The following WIPF1 variants were observed in gnomAD, a reference collection of about 807,000 sequenced individuals.
WIPF1 encodes the protein WAS/WASL interacting protein family member 1, also known as WAS/WASL-interacting protein family member 1.
WIPF1 carries 13 observed loss-of-function variants against 35.4 expected under a neutral mutation model. The ratio of observed to expected loss-of-function variants is 0.37; its 90% CI spans 0.24 to 0.58. The LOEUF is 0.58. Among genes scored for constraint, WIPF1 ranks in the 20% least tolerant of loss-of-function variants. The pLI, the probability that WIPF1 is intolerant of heterozygous loss-of-function variation, is 0.74. For synonymous variants in WIPF1, 267 were observed against 266.3 expected (o/e 1.00, Z -0.02); for missense variants, 591 against 667.0 (o/e 0.89, Z 1.25).
rs779795011 is a variant in WIPF1, at chr2:174,571,720, C to T, written c.1085G>A (p.Ser362Asn). 7 of 1,614,090 alleles carry T rather than the reference C, an allele frequency of 4.3e-6. No homozygotes were observed. Among genetic ancestry groups the T allele is most frequent in the Non-Finnish European group, 5.1e-6 (6 of 1,180,024 alleles). ...GRSGPLPPPP[S>N]ERPPPPVRDP... is the part of the protein sequence containing the mutation. ...CCTCACTGGAGGTGGGGGTCTCTCA[C>T]TGGGCGGGGGAGGAAGAGGACCTGA... The change falls in exon 5 of 8, where the codon AGT (serine) becomes AAT (asparagine). Residue 362 changes from serine (S) to asparagine (N), a missense_variant. By Grantham distance (46) the Ser-to-Asn change is conservative. Transcript: ENST00000679041. The surrounding 1 kb of genome is among the most constrained non-coding windows in gnomAD (Gnocchi z 4.6).
At chr2:174,632,041 C>T (rs1033622734) in intron 1 of WIPF1, among the ~76,000 whole-genome samples, 5 of 152,188 alleles carry the variant, frequency 3.3e-5, no homozygotes, top group African/African-American at 9.7e-5. Context: ...TTCCTCCCCA[C>T]AAAATTTACC....
intron 1 of WIPF1, among the ~76,000 whole-genome samples, chr2:174,606,964 T>A (rs1686184639): frequency 6.6e-6 from 1 of 152,178 alleles, no homozygotes; most frequent in Non-Finnish European, 1.5e-5. Flanking sequence ...GAGGGCCTTC[T>A]TGCCGTGTCA....
At chr2:174,670,103 A>C (rs1410043736) in intron 1 of WIPF1, among the ~76,000 whole-genome samples, 2 of 152,056 alleles carry the variant, frequency 1.3e-5, no homozygotes, top group Admixed American at 1.3e-4. Flanking sequence ...AGCTTAGTCC[A>C]GCTCACTGAG....
intron 1 of WIPF1, among the ~76,000 whole-genome samples, chr2:174,643,779 T>C (rs1192872701): frequency 6.6e-6 from 1 of 152,228 alleles, no homozygotes; most frequent in Non-Finnish European, 1.5e-5. Context: ...AGGTTCATTA[T>C]TGTTAAATCC....
intron 1 of WIPF1, among the ~76,000 whole-genome samples, chr2:174,595,388 AC>A (rs1483717233): frequency 7.3e-5 from 11 of 151,710 alleles, no homozygotes; most frequent in African/African-American, 2.7e-4. Flanking sequence ...AAAAGCTCTT[AC>A]AATTCAGATA....
rs35062209 is a variant in WIPF1, at chr2:174,674,903, T to TAC, written c.-39+7869_-39+7870dup. Among the ~76,000 whole-genome samples, 1,163 of 133,998 alleles carry TAC rather than the reference T, an allele frequency of 8.7e-3. 10 individuals carry two copies. Among genetic ancestry groups the TAC allele is most frequent in the South Asian group, 0.031 (126 of 4,014 alleles). The allele number at this position is 133,998 out of a possible 152,430, so 87.9% of individuals were successfully genotyped here. Reference sequence around the variant, plus strand: ...GCTTCTGTAAGTTGGCAGGTTCAAATACACACACACACACACACACACACA... The same window carrying TAC: ...GCTTCTGTAAGTTGGCAGGTTCAAATACACACACACACACACACACACACACA... On this transcript the variant is annotated intron_variant, in intron 1 of 8. Coordinates refer to the WIPF1 transcript ENST00000272746.
intron 1 of WIPF1, among the ~76,000 whole-genome samples, chr2:174,679,235 C>A (rs1688201314): frequency 6.6e-6 from 1 of 152,170 alleles, no homozygotes; most frequent in East Asian, 1.9e-4. Flanking sequence ...CTTTGGGAGG[C>A]CGAGATAGGC....
At chr2:174,589,336 G>T (rs1244284420) in intron 1 of WIPF1, among the ~76,000 whole-genome samples, 2 of 152,220 alleles carry the variant, frequency 1.3e-5, no homozygotes, top group Non-Finnish European at 2.9e-5. Context: ...TCACCCCACC[G>T]CACTGTGAGA....
chr2:174,651,371 C>T (rs1357055029), intron 1 of WIPF1, among the ~76,000 whole-genome samples: 3 of 152,164 alleles, frequency 2.0e-5, no homozygotes, highest in Admixed American at 2.0e-4. Flanking sequence ...TTTTTATGCA[C>T]TAATTCATCA....
In WIPF1 at chr2:174,572,315, G is replaced by A. The variant is rs1480597415; in HGVS notation, c.490C>T (p.Pro164Ser). Residue 164 changes from proline to serine, a missense_variant, in exon 5 of 8, where the codon CCT (proline) becomes TCT (serine). Physicochemically the swap from Pro to Ser is moderately conservative, Grantham distance 74. Transcript: ENST00000679041. ...GGGGGCGGCATTCGGTTCCTCTGAG[G>A]CTCTGGGGGACCACTTCTGTGGCCT... is the stretch of plus-strand genomic sequence containing the variant. Reference protein sequence around the residue: ...SPGHRSGPPEPQRNRMPPPRP... With the variant: ...SPGHRSGPPESQRNRMPPPRP... The A allele has an allele frequency of 1.2e-6, 2 of 1,614,144 alleles. No individual in the cohort carries two copies. Among genetic ancestry groups the A allele is most frequent in the Non-Finnish European group, 1.7e-6 (2 of 1,180,022 alleles).
At chr2:174,619,020 G>C (rs1686597848) in intron 1 of WIPF1, among the ~76,000 whole-genome samples, 1 of 152,102 alleles carries the variant, frequency 6.6e-6, no homozygotes, top group African/African-American at 2.4e-5. Context: ...GCAGACAGTG[G>C]TGGAATCACT....
At chr2:174,636,831 T>C (rs527417105) in intron 1 of WIPF1, among the ~76,000 whole-genome samples, 1 of 152,194 alleles carries the variant, frequency 6.6e-6, no homozygotes, top group Admixed American at 6.5e-5. Context: ...TAAAGTGCCA[T>C]TTTAGTCACA....
intron 1 of WIPF1, among the ~76,000 whole-genome samples, chr2:174,635,773 T>C (rs1278444485): frequency 2.0e-5 from 3 of 152,164 alleles, no homozygotes; most frequent in Non-Finnish European, 4.4e-5. Context: ...GTTTGTTTTT[T>C]AGAAAGGTAA....
At chr2:174,591,014 G>C (rs1417338070) in intron 1 of WIPF1, among the ~76,000 whole-genome samples, 2 of 152,198 alleles carry the variant, frequency 1.3e-5, no homozygotes, top group African/African-American at 2.4e-5. Context: ...TTTGGAGATA[G>C]GGTCTTTAAA....
chr2:174,566,278 TC>T (rs1057434864), intron 7 of WIPF1: 4 of 152,244 alleles, frequency 2.6e-5, no homozygotes, highest in Non-Finnish European at 5.9e-5. Context: ...CTGTAACACT[TC>T]CTATACATTT....
Position 174,559,991 on chromosome 2 carries a change from A to G in WIPF1, c.*2556T>C, listed in dbSNP as rs1194666090. 3 of 152,662 alleles carry G rather than the reference A, an allele frequency of 2.0e-5. No individual in the cohort carries two copies. The highest frequency in any genetic ancestry group is 4.4e-5 in the Non-Finnish European group (3 of 68,026). The allele number at this position is 152,662 out of a possible 1,614,324, so 9.5% of individuals were successfully genotyped here. Reference sequence around the variant, plus strand: ...CTAAATAAAATGCATAGTGAAATAAATACTGAACACTGAGTTTTAATACTG... The same window carrying G: ...CTAAATAAAATGCATAGTGAAATAAGTACTGAACACTGAGTTTTAATACTG... On this transcript the variant is annotated 3_prime_UTR_variant, in exon 8 of 8. Transcript: ENST00000679041.
chr2:174,630,036 A>G (rs183490207), intron 1 of WIPF1, among the ~76,000 whole-genome samples: 1 of 152,358 alleles, frequency 6.6e-6, no homozygotes, highest in East Asian at 1.9e-4. Flanking sequence ...AGGCTCCAAG[A>G]TATCACTTAG....
At chr2:174,665,934 TG>T (rs758384954) in intron 1 of WIPF1, among the ~76,000 whole-genome samples, 40 of 152,364 alleles carry the variant, frequency 2.6e-4, no homozygotes, top group Non-Finnish European at 4.4e-4. Context: ...CTTCTTTTGC[TG>T]TTGTTTAAAC....
At chr2:174,606,459 C>T (rs1031935045) in intron 1 of WIPF1, among the ~76,000 whole-genome samples, 8 of 152,138 alleles carry the variant, frequency 5.3e-5, no homozygotes, top group Non-Finnish European at 1.0e-4. Flanking sequence ...TTCAAGTGCT[C>T]CAGAGCCACT....
Sources: allele counts gnomAD v4.1 joint callset (sites outside exome capture counted in the v4.1 genomes callset), GRCh38; gene constraint gnomAD v4.1.1; non-coding constraint Gnocchi (gnomAD v3.1); transcripts MANE v1.5; gene names NCBI Gene and HGNC (gene_info 2026-07-23, HGNC 2026-07-21).